The following EFCAB6 variants were observed in gnomAD, a reference collection of about 807,000 sequenced individuals.
The protein encoded by EFCAB6 is EF-hand calcium binding domain 6, also known as EF-hand calcium-binding domain-containing protein 6.
EFCAB6 carries 156 observed loss-of-function variants against 169.8 expected under a neutral mutation model. The ratio of observed to expected loss-of-function variants is 0.92; its 90% CI spans 0.81 to 1.05. The LOEUF (loss-of-function observed/expected upper bound fraction) is 1.05. Among genes scored for constraint, EFCAB6 ranks in the 50% least tolerant of loss-of-function variants. The pLI, the probability that EFCAB6 is intolerant of heterozygous loss-of-function variation, is 0.00. For synonymous variants in EFCAB6, 698 were observed against 676.4 expected, an observed-to-expected ratio of 1.03 and a Z score of -0.50; for missense variants, 1,800 against 1,829.1, an observed-to-expected ratio of 0.98 and a Z score of 0.29.
intron 6 of EFCAB6, among the ~76,000 whole-genome samples, chr22:43,741,159 C>T (rs2060355615): frequency 6.6e-6 from 1 of 152,164 alleles, no homozygotes; most frequent in African/African-American, 2.4e-5. Context: ...AATGGCTAAG[C>T]TAAGGCTCCC....
intron 11 of EFCAB6, among the ~76,000 whole-genome samples, chr22:43,685,143 T>C (rs1320572305): frequency 3.9e-5 from 6 of 152,236 alleles, no homozygotes; most frequent in Non-Finnish European, 7.3e-5. Flanking sequence ...AACCTTGCTA[T>C]TGTCGTTATT....
chr22:43,671,401 C>T (rs2057487704), intron 15 of EFCAB6, among the ~76,000 whole-genome samples: 1 of 151,996 alleles, frequency 6.6e-6, no homozygotes, highest in African/African-American at 2.4e-5. Context: ...GGGGTTTCTC[C>T]ATGAGTTGAT....
intron 11 of EFCAB6, among the ~76,000 whole-genome samples, chr22:43,685,953 C>T (rs2058179453): frequency 6.6e-6 from 1 of 150,456 alleles, no homozygotes; most frequent in Non-Finnish European, 1.5e-5. Flanking sequence ...AATAAATCCC[C>T]TTTTACAATG....
At chr22:43,801,332 A>G (rs2062705515) in intron 2 of EFCAB6, among the ~76,000 whole-genome samples, 1 of 152,216 alleles carries the variant, frequency 6.6e-6, no homozygotes, top group South Asian at 2.1e-4. Flanking sequence ...AGAAATGCCA[A>G]AGGAATTCAA....
At chr22:43,601,722 G>C (rs1196270202) in intron 22 of EFCAB6, among the ~76,000 whole-genome samples, 1 of 152,240 alleles carries the variant, frequency 6.6e-6, no homozygotes, top group Non-Finnish European at 1.5e-5. Flanking sequence ...GCAGGTAGGA[G>C]AGAAAGCAGA....
chr22:43,782,004 A>G (rs774461505), intron 3 of EFCAB6, among the ~76,000 whole-genome samples, 176 bp downstream of exon 3: 3 of 152,216 alleles, frequency 2.0e-5, no homozygotes, highest in Non-Finnish European at 4.4e-5. Context: ...AAATAGCTTA[A>G]TCAATCTGTG....
chr22:43,596,312 G>A (rs577356709), intron 23 of EFCAB6, among the ~76,000 whole-genome samples: 118 of 152,208 alleles, frequency 7.8e-4, no homozygotes, highest in African/African-American at 2.8e-3. Context: ...AATGAGCCAT[G>A]TTTGCAGATG....
intron 2 of EFCAB6, among the ~76,000 whole-genome samples, chr22:43,804,581 A>G (rs750997610): frequency 1.3e-5 from 2 of 152,150 alleles, no homozygotes; most frequent in Non-Finnish European, 2.9e-5. Context: ...CAATATGGCA[A>G]GATCCCATTT....
chr22:43,613,466 T>G (rs1355266686), intron 21 of EFCAB6, among the ~76,000 whole-genome samples: 1 of 152,108 alleles, frequency 6.6e-6, no homozygotes, highest in African/African-American at 2.4e-5. Flanking sequence ...TGCAGGAACA[T>G]GAATGGAGCT....
chr22:43,535,025 T>A, intron 29 of EFCAB6, 153 bp from the exon 30 acceptor site: 1 of 741,438 alleles, frequency 1.3e-6, no homozygotes, highest in Non-Finnish European at 2.1e-6. Context: ...TGGACATATG[T>A]GGAGACAGAC....
At chr22:43,663,347 C>T (rs571733615) in intron 17 of EFCAB6, among the ~76,000 whole-genome samples, 1 of 152,342 alleles carries the variant, frequency 6.6e-6, no homozygotes, top group South Asian at 2.1e-4. Context: ...TCCTTTCTTT[C>T]TACTGCATAA....
In EFCAB6 at chr22:43,530,971, A is replaced by G. The variant is rs756690707; in HGVS notation, c.4234-7T>C. The G allele has an allele frequency of 6.2e-7, 1 of 1,613,252 alleles. No homozygotes were observed. The highest frequency in any genetic ancestry group is 2.2e-5 in the East Asian group (1 of 44,826). On this transcript the variant is annotated splice_region_variant and splice_polypyrimidine_tract_variant and intron_variant, in intron 30 of 31. Transcript: ENST00000262726. ...TCTCCGCGCCGGCTTCTTTCTAGAC[A>G]CAAGACAAGAAGGGGTGAGGAGGGA...
chr22:43,582,391 C>T (rs1286025710), intron 24 of EFCAB6, among the ~76,000 whole-genome samples: 1 of 152,012 alleles, frequency 6.6e-6, no homozygotes, highest in Admixed American at 6.6e-5. Flanking sequence ...TTGGACTTCT[C>T]ATAGCTCAAA....
chr22:43,580,015 T>C (rs1322190102), intron 25 of EFCAB6, among the ~76,000 whole-genome samples: 1 of 152,168 alleles, frequency 6.6e-6, no homozygotes, highest in Non-Finnish European at 1.5e-5. Flanking sequence ...ATGGAAGCTG[T>C]AGAATGTCAA....
chr22:43,531,569 A>G (rs2047068533), intron 30 of EFCAB6, among the ~76,000 whole-genome samples: 1 of 152,240 alleles, frequency 6.6e-6, no homozygotes, highest in African/African-American at 2.4e-5. Context: ...GTGTTTGAAT[A>G]TCACAAAGGT....
chr22:43,554,970 G>A lies in EFCAB6; in HGVS notation c.3547C>T (p.Gln1183Ter). 1 of 1,614,208 alleles carries A rather than the reference G, an allele frequency of 6.2e-7. No individual in the cohort carries two copies. The highest frequency in any genetic ancestry group is 8.5e-7 in the Non-Finnish European group (1 of 1,180,040). Residue 1183 changes from glutamine to a stop codon, truncating the protein, a stop_gained, in exon 27 of 32, where the codon CAG becomes TAG. Coordinates refer to ENST00000262726, the MANE Select transcript of EFCAB6 (RefSeq NM_022785.4). LOFTEE classifies it high-confidence loss of function. The part of the protein sequence containing the change: ...AVTSHYHAIT[Q>*]EFENFDTMKT... ...ATGGTGTCAAAATTCTCAAACTCCT[G>A]GGTGATGGCATGGTAATGGGAAGTC...
intron 10 of EFCAB6, among the ~76,000 whole-genome samples, chr22:43,705,076 G>A (rs1391116713): frequency 6.6e-6 from 1 of 152,054 alleles, no homozygotes; most frequent in Non-Finnish European, 1.5e-5. Context: ...AGAAAGGATA[G>A]CTATGCTTAT....
At chr22:43,576,781 T>TGGGAGCACCACC (rs2050284340) in intron 25 of EFCAB6, among the ~76,000 whole-genome samples, 1 of 152,200 alleles carries the variant, frequency 6.6e-6, no homozygotes, top group Admixed American at 6.5e-5. Flanking sequence ...ACCCGTAACC[T>TGGGAGCACCACC]TCCTGATGGA....
At chr22:43,704,910 T>C (rs1055586508) in intron 10 of EFCAB6, among the ~76,000 whole-genome samples, 1 of 152,070 alleles carries the variant, frequency 6.6e-6, no homozygotes, top group African/African-American at 2.4e-5. Context: ...TATCAATAAT[T>C]ACTATGGATG....
Sources: gnomAD v4.1 joint callset for allele counts (sites outside exome capture counted in the v4.1 genomes callset) on GRCh38, gnomAD v4.1.1 for gene constraint, MANE v1.5 for transcripts, NCBI Gene and HGNC (gene_info 2026-07-23, HGNC 2026-07-21) for gene names.